The following CACNA2D1 variants were observed in gnomAD, a reference collection of about 807,000 sequenced individuals.
CACNA2D1 encodes the protein voltage-dependent calcium channel subunit alpha-2/delta-1.
In CACNA2D1, 53 loss-of-function variants were observed where a neutral mutation model predicts 171.5. The observed-to-expected ratio is 0.31, with a 90% confidence interval of 0.25 to 0.39. The LOEUF is 0.39. Ranked by LOEUF, CACNA2D1 falls within the 10% of genes least tolerant of loss-of-function variation. The pLI is 1.00. For missense variants in CACNA2D1, 903 were observed against 1,299.8 expected, an observed-to-expected ratio of 0.69 and a Z score of 4.69; for synonymous variants, 442 against 443.1, an observed-to-expected ratio of 1.00 and a Z score of 0.03.
intron 3 of CACNA2D1, among the ~76,000 whole-genome samples, chr7:82,261,695 A>G (rs1450251661): frequency 6.6e-6 from 1 of 152,166 alleles, no homozygotes; most frequent in Non-Finnish European, 1.5e-5. Context: ...AAAAATTTTC[A>G]TTCTAAGTGA....
At chr7:82,354,395 G>T (rs950176910) in intron 1 of CACNA2D1, among the ~76,000 whole-genome samples, 1 of 152,148 alleles carries the variant, frequency 6.6e-6, no homozygotes, top group Admixed American at 6.6e-5. Context: ...ACATGAGAAT[G>T]TGGAAGTGGG....
At chr7:82,312,609 C>T (rs1814614739) in intron 3 of CACNA2D1, among the ~76,000 whole-genome samples, 1 of 151,486 alleles carries the variant, frequency 6.6e-6, no homozygotes, top group African/African-American at 2.4e-5. Flanking sequence ...CTCTGCCTCC[C>T]GGGTTCAAGC....
At chr7:82,068,195 A>G (rs1807891364) in intron 7 of CACNA2D1, among the ~76,000 whole-genome samples, 1 of 152,146 alleles carries the variant, frequency 6.6e-6, no homozygotes. Flanking sequence ...ACTTCCAGCA[A>G]CATGGCCAGC....
Position 82,130,324 on chromosome 7 carries a change from T to A in CACNA2D1, c.396+6311A>T, listed in dbSNP as rs1208523337. ...TTTCATTTCACTGCCAAACATTATA[T>A]GTTCCGCTTAGGGAAGTTACTGGTA... On this transcript the variant is annotated intron_variant, in intron 5 of 38. Transcript: ENST00000356860. Among the ~76,000 whole-genome samples the A allele has an allele frequency of 1.4e-4, 21 of 152,172 alleles. 1 individual carries two copies.
intron 12 of CACNA2D1, chr7:82,027,782 A>T (rs538696033): frequency 6.6e-6 from 1 of 151,830 alleles, no homozygotes; most frequent in African/African-American, 2.4e-5. Flanking sequence ...TTTCATTATT[A>T]TTACATCTGT....
intron 3 of CACNA2D1, among the ~76,000 whole-genome samples, chr7:82,298,700 A>G (rs1416401848): frequency 6.6e-6 from 1 of 152,008 alleles, no homozygotes; most frequent in African/African-American, 2.4e-5. Context: ...CAGGGGCTAT[A>G]GGCGCATGCT....
At chr7:82,108,215 T>C (rs567650083) in intron 6 of CACNA2D1, among the ~76,000 whole-genome samples, 1 of 152,206 alleles carries the variant, frequency 6.6e-6, no homozygotes, top group Non-Finnish European at 1.5e-5. Context: ...CACATACATA[T>C]ATGAAAAATA....
At chr7:81,983,276 C>A (rs1403908220) in intron 23 of CACNA2D1, 38 bp downstream of exon 23, 1 of 1,560,656 alleles carries the variant, frequency 6.4e-7, no homozygotes, top group Admixed American at 1.7e-5. Context: ...GTCAAGTGTA[C>A]TAAACAGAAA....
chr7:82,276,168 T>C (rs1324543299), intron 3 of CACNA2D1, among the ~76,000 whole-genome samples: 1 of 152,228 alleles, frequency 6.6e-6, no homozygotes, highest in Non-Finnish European at 1.5e-5. Context: ...ATAAACTTTA[T>C]AGTGGACACT....
At chr7:82,418,254 C>A (rs1828378027) in intron 1 of CACNA2D1, among the ~76,000 whole-genome samples, 1 of 152,040 alleles carries the variant, frequency 6.6e-6, no homozygotes, top group Non-Finnish European at 1.5e-5. Flanking sequence ...GAGAAACCAG[C>A]CCCCTGATTC....
intron 10 of CACNA2D1, among the ~76,000 whole-genome samples, chr7:82,055,948 A>ATATATAT (rs1554377773): frequency 2.3e-5 from 3 of 131,064 alleles, no homozygotes; most frequent in Admixed American, 8.7e-5. Context: ...ATATATATAT[A>ATATATAT]ATTTTTTAAA....
intron 21 of CACNA2D1, among the ~76,000 whole-genome samples, chr7:81,986,833 C>T (rs1260789764): frequency 6.6e-6 from 1 of 152,074 alleles, no homozygotes; most frequent in Non-Finnish European, 1.5e-5. Context: ...GCAAGATGAC[C>T]TTTCATGATT....
chr7:81,970,706 C>T lies in CACNA2D1; in HGVS notation c.2173G>A (p.Asp725Asn). The T allele has an allele frequency of 1.9e-6, 3 of 1,593,458 alleles. No individual in the cohort carries two copies. Among genetic ancestry groups the T allele is most frequent in the Non-Finnish European group, 2.6e-6 (3 of 1,161,800 alleles). Residue 725 changes from aspartate (D) to asparagine (N), a missense_variant, in exon 27 of 39, where the codon GAT becomes AAT. By Grantham distance (23) the Asp-to-Asn change is conservative. Coordinates refer to ENST00000356860, the MANE Select transcript of CACNA2D1 (RefSeq NM_000722.4). ...KGVKARFVVT[D>N]GGITRVYPKE... ...GGATAAACTCTGGTAATCCCACCAT[C>T]AGTCACAACAAATCGTGCTTTCACT... is the stretch of plus-strand genomic sequence containing the variant.
At chr7:82,185,406 C>T (rs1262868576) in intron 3 of CACNA2D1, among the ~76,000 whole-genome samples, 1 of 145,150 alleles carries the variant, frequency 6.9e-6, no homozygotes, top group Non-Finnish European at 1.5e-5. Flanking sequence ...TCAAAAGGAG[C>T]AATGTTACTA....
chr7:82,208,521 C>G (rs889972172), intron 3 of CACNA2D1, among the ~76,000 whole-genome samples: 10 of 152,002 alleles, frequency 6.6e-5, no homozygotes, highest in Non-Finnish European at 1.5e-4. Context: ...TGTTTTTAAA[C>G]AAAAATAAAT....
At chr7:82,150,180 T>C (rs1793659632) in intron 4 of CACNA2D1, among the ~76,000 whole-genome samples, 1 of 151,404 alleles carries the variant, frequency 6.6e-6, no homozygotes, top group African/African-American at 2.4e-5. Context: ...AAACATTCAG[T>C]TGACAAATAC....
In CACNA2D1 at chr7:81,997,199, C is replaced by T; in HGVS notation, c.1642G>A (p.Glu548Lys). Residue 548 changes from glutamate (E) to lysine (K), a missense_variant, in exon 19 of 39, where the codon GAG becomes AAG. By Grantham distance (56) the Glu-to-Lys change is moderately conservative. Coordinates refer to ENST00000356860, the MANE Select transcript of CACNA2D1 (RefSeq NM_000722.4). Reference protein sequence around the residue: ...VTLDFLDAELENDIKVEIRNK... With the variant: ...VTLDFLDAELKNDIKVEIRNK... ...CTCACCTCCACTTTAATATCATTCT[C>T]TAACTCTGCATCAAGGAAATCCAAT... 6.2e-7 allele frequency: 1 copy of T among 1,605,702 alleles called. No homozygotes were observed. The highest frequency in any genetic ancestry group is 8.5e-7 in the Non-Finnish European group (1 of 1,172,628).
At chr7:82,083,439 TATATA>T (rs762668434) in intron 7 of CACNA2D1, among the ~76,000 whole-genome samples, 29 of 151,732 alleles carry the variant, frequency 1.9e-4, no homozygotes, top group African/African-American at 4.1e-4. Context: ...ATATAAGTAT[TATATA>T]ATATAATACT....
At chr7:82,404,316 G>A (rs768418610) in intron 1 of CACNA2D1, among the ~76,000 whole-genome samples, 5 of 152,326 alleles carry the variant, frequency 3.3e-5, no homozygotes, top group East Asian at 3.9e-4. Flanking sequence ...CATGGAGAGC[G>A]AGGGATCTGT....
Sources: gnomAD v4.1 joint callset for allele counts (sites outside exome capture counted in the v4.1 genomes callset) on GRCh38, gnomAD v4.1.1 for gene constraint, MANE v1.5 for transcripts, NCBI Gene and HGNC (gene_info 2026-07-23, HGNC 2026-07-21) for gene names.